SLC8A1: variants seen among roughly 807,000 people sequenced by gnomAD.
SLC8A1 encodes sodium/calcium exchanger 1.
In SLC8A1, 18 loss-of-function variants were observed where a neutral mutation model predicts 68.3. The observed-to-expected ratio is 0.26, with a 90% CI of 0.18 to 0.39. The LOEUF (loss-of-function observed/expected upper bound fraction) is 0.39. Among genes scored for constraint, SLC8A1 ranks in the 10% least tolerant of loss-of-function variants. SLC8A1 has a pLI of 1.00. For missense variants in SLC8A1, 985 were observed against 1,156.7 expected, an observed-to-expected ratio of 0.85 and a Z score of 2.15; for synonymous variants, 475 against 415.5, an observed-to-expected ratio of 1.14 and a Z score of -1.74.
chr2:40,492,322 A>G (rs1306843692), intron 1 of SLC8A1, among the ~76,000 whole-genome samples: 1 of 152,144 alleles, frequency 6.6e-6, no homozygotes, highest in Admixed American at 6.6e-5. Context: ...TCCCTTCCTG[A>G]CACCTTATAC....
chr2:40,207,861 T>TTTTAC (rs1419070118), intron 2 of SLC8A1, among the ~76,000 whole-genome samples: 2 of 152,086 alleles, frequency 1.3e-5, no homozygotes, highest in African/African-American at 4.8e-5. Context: ...TTGGAACCTG[T>TTTTAC]TTTACTTAGA....
chr2:40,309,558 G>A (rs2073304086), intron 2 of SLC8A1, among the ~76,000 whole-genome samples: 1 of 148,814 alleles, frequency 6.7e-6, no homozygotes, highest in South Asian at 2.1e-4. Flanking sequence ...CCAGGCTGGA[G>A]TGCAATGGTG....
chr2:40,133,619 T>A (rs913733004), intron 7 of SLC8A1, among the ~76,000 whole-genome samples: 4 of 151,200 alleles, frequency 2.6e-5, no homozygotes, highest in African/African-American at 7.3e-5. Flanking sequence ...CAGGAACTAG[T>A]GGGAGAAGTC....
intron 2 of SLC8A1, chr2:40,254,602 T>TATTTCTAATTTTCCTTCA (rs1367050665): frequency 3.9e-5 from 6 of 152,298 alleles, no homozygotes; most frequent in Admixed American, 3.3e-4. Flanking sequence ...TCTTTTTTAT[T>TATTTCTAATTTTCCTTCA]ATTTCTAATT....
chr2:40,213,252 A>T (rs435404), intron 2 of SLC8A1: 109,943 of 151,934 alleles, frequency 0.72, 40,624 homozygotes, highest in Middle Eastern at 0.84. Flanking sequence ...AATGAAACCT[A>T]CCATTGAAGA....
chr2:40,101,060 A>G (rs2033862349), exon 8 of SLC8A1: 1 of 152,174 alleles, frequency 6.6e-6, no homozygotes, highest in Admixed American at 6.6e-5. Context: ...CAGGAAACAT[A>G]CATGTGTGTG....
At chr2:40,393,219 G>A (rs199538796) in intron 2 of SLC8A1, among the ~76,000 whole-genome samples, 11 of 120,568 alleles carry the variant, frequency 9.1e-5, no homozygotes, top group East Asian at 2.9e-4. Flanking sequence ...TGAAAATTCC[G>A]AAAGTACAAT....
At chr2:40,440,997 T>A (rs1202534603) in intron 1 of SLC8A1, among the ~76,000 whole-genome samples, 1 of 152,182 alleles carries the variant, frequency 6.6e-6, no homozygotes, top group Non-Finnish European at 1.5e-5. Context: ...TTGTCTCTGT[T>A]TGCAGATGAC....
intron 2 of SLC8A1, among the ~76,000 whole-genome samples, chr2:40,318,298 T>C (rs1355781917): frequency 6.6e-6 from 1 of 152,002 alleles, no homozygotes. Context: ...GAGCCTCTCC[T>C]GAAAGAGGCT....
chr2:40,435,888 GCCTCAGCCTGC>G (rs1699305146), intron 1 of SLC8A1, among the ~76,000 whole-genome samples: 1 of 151,754 alleles, frequency 6.6e-6, no homozygotes, highest in Non-Finnish European at 1.5e-5. Context: ...CAATTCTTCT[GCCTCAGCCTGC>G]CAAGTAGCTG....
chr2:40,204,590 C>T (rs1373576892), intron 2 of SLC8A1, among the ~76,000 whole-genome samples: 1 of 151,936 alleles, frequency 6.6e-6, no homozygotes, highest in Non-Finnish European at 1.5e-5. Flanking sequence ...GACTCTATCC[C>T]TTTGGCGGAG....
At chr2:40,455,421 G>A (rs1042939069), upstream of SLC8A1, among the ~76,000 whole-genome samples, 3 of 151,852 alleles carry the variant, frequency 2.0e-5, no homozygotes, top group Non-Finnish European at 2.9e-5. Context: ...CCATTGCTTC[G>A]GGCTTCTGAA....
At chr2:40,335,978 G>A (rs1665853241) in intron 2 of SLC8A1, among the ~76,000 whole-genome samples, 1 of 152,238 alleles carries the variant, frequency 6.6e-6, no homozygotes, top group Non-Finnish European at 1.5e-5. Flanking sequence ...AAAAGTCCAT[G>A]AAGTGGGTAA....
chr2:40,396,856 C>T (rs1025678920), intron 2 of SLC8A1, among the ~76,000 whole-genome samples: 2 of 150,732 alleles, frequency 1.3e-5, no homozygotes, highest in Admixed American at 6.6e-5. Context: ...TGATAATGAC[C>T]TGACTTTTTG....
At chr2:40,358,500 G>A (rs1673469496) in intron 2 of SLC8A1, among the ~76,000 whole-genome samples, 1 of 152,174 alleles carries the variant, frequency 6.6e-6, no homozygotes, top group Non-Finnish European at 1.5e-5. Context: ...GAAAGAATAA[G>A]GGATTTGGAG....
chr2:40,179,647 G>T (rs1469686357), intron 2 of SLC8A1, among the ~76,000 whole-genome samples: 2 of 152,134 alleles, frequency 1.3e-5, no homozygotes, highest in South Asian at 2.1e-4. Flanking sequence ...GTAGACAACG[G>T]AATTTTAACA....
chr2:40,124,267 G>A (rs1384865912), intron 7 of SLC8A1, among the ~76,000 whole-genome samples: 5 of 152,170 alleles, frequency 3.3e-5, no homozygotes, highest in Non-Finnish European at 7.3e-5. Flanking sequence ...CTAAGTGTAT[G>A]GATCTAGACA....
intron 2 of SLC8A1, among the ~76,000 whole-genome samples, chr2:40,342,950 T>A (rs915166089): frequency 1.3e-5 from 2 of 152,132 alleles, no homozygotes; most frequent in African/African-American, 4.8e-5. Flanking sequence ...CCTCACAGTG[T>A]ACAATAAGAG....
chr2:40,494,640 A>AATAT (rs34595267), intron 1 of SLC8A1, among the ~76,000 whole-genome samples: 3,275 of 91,338 alleles, frequency 0.036, 69 homozygotes, highest in African/African-American at 0.04. Flanking sequence ...CTTAAAGTAT[A>AATAT]ATATATATAT....
Sources: gnomAD v4.1 joint callset for allele counts (sites outside exome capture counted in the v4.1 genomes callset) on GRCh38, gnomAD v4.1.1 for gene constraint, MANE v1.5 for transcripts, NCBI Gene and HGNC (gene_info 2026-07-23, HGNC 2026-07-21) for gene names.